The following CDKN2B-AS1 variants were observed in gnomAD, a reference collection of about 807,000 sequenced individuals.
The protein encoded by CDKN2B-AS1 is CDKN2B antisense RNA 1 (non-protein coding).
At chr9:22,113,466 A>G (rs1004199946) in intron 4 of CDKN2B-AS1, among the ~76,000 whole-genome samples, 16 of 152,198 alleles carry the variant, frequency 1.1e-4, no homozygotes, top group African/African-American at 3.6e-4. Flanking sequence ...AAGGTCAACT[A>G]TGCTATATAA....
chr9:22,014,959 A>G (rs924348237), intron 1 of CDKN2B-AS1, among the ~76,000 whole-genome samples: 10 of 152,024 alleles, frequency 6.6e-5, no homozygotes, highest in Admixed American at 1.3e-4. Flanking sequence ...TTATGACTGC[A>G]TAGTATTCCA....
chr9:22,071,285 C>CTTTTTTTTTTTTTTTT (rs71336509), intron 4 of CDKN2B-AS1, among the ~76,000 whole-genome samples: 8 of 67,580 alleles, frequency 1.2e-4, no homozygotes, highest in African/African-American at 4.2e-4. Context: ...AAATATCTAG[C>CTTTTTTTTTTTTTTTT]TTTTTTTTTT....
intron 1 of CDKN2B-AS1, among the ~76,000 whole-genome samples, chr9:22,043,769 T>C (rs1822997699): frequency 6.6e-6 from 1 of 152,000 alleles, no homozygotes; most frequent in African/African-American, 2.4e-5. Flanking sequence ...GTTACATCAC[T>C]AGGTTGATGT....
intron 4 of CDKN2B-AS1, among the ~76,000 whole-genome samples, chr9:22,088,403 A>C (rs1249779691): frequency 6.6e-6 from 1 of 151,588 alleles, no homozygotes; most frequent in Non-Finnish European, 1.5e-5. Flanking sequence ...TCTTCTACTC[A>C]GGAGAATGCA....
At chr9:22,060,369 C>G (rs1417537794) in intron 4 of CDKN2B-AS1, among the ~76,000 whole-genome samples, 5 of 152,216 alleles carry the variant, frequency 3.3e-5, no homozygotes, top group Non-Finnish European at 7.3e-5. Context: ...TGCCACCAGT[C>G]TCTTTGCTAA....
chr9:22,108,438 A>T (rs1413590001), intron 4 of CDKN2B-AS1, among the ~76,000 whole-genome samples: 1 of 152,186 alleles, frequency 6.6e-6, no homozygotes, highest in African/African-American at 2.4e-5. Flanking sequence ...GTATGGCCAT[A>T]GACAATAAAT....
chr9:22,061,160 G>A (rs1360744751), intron 4 of CDKN2B-AS1, among the ~76,000 whole-genome samples: 5 of 152,132 alleles, frequency 3.3e-5, no homozygotes, highest in Admixed American at 2.0e-4. Flanking sequence ...CAACATTGGG[G>A]GAGAACTGAA....
intron 1 of CDKN2B-AS1, among the ~76,000 whole-genome samples, chr9:22,014,212 G>C (rs1466376286): frequency 1.3e-5 from 2 of 151,940 alleles, no homozygotes; most frequent in Non-Finnish European, 2.9e-5. Context: ...ACCCAGGCTG[G>C]AGTGCAGTGG....
rs1821128510 is a variant in CDKN2B-AS1, at chr9:22,005,490, TTCA to T, written n.29+10330_29+10332del. 1 of 274,264 alleles carries T rather than the reference TTCA, an allele frequency of 3.6e-6. No homozygotes were observed. Among genetic ancestry groups the T allele is most frequent in the East Asian group, 5.3e-5 (1 of 18,892 alleles). The allele number at this position is 274,264 out of a possible 1,614,324, so 17.0% of individuals were successfully genotyped here. On this transcript the variant is annotated intron_variant and non_coding_transcript_variant, in intron 1 of 4. Coordinates refer to ENST00000650946, the Ensembl canonical transcript of CDKN2B-AS1. This position sits in a 1 kb window ranked among gnomAD's most constrained non-coding sequence, Gnocchi z 4.9. ...GCCCTCCTCCACTTTGTCCTCAGTC[TTCA>T]GGTTTTCCTTTCTGCCGCTAGGGCC...
intron 4 of CDKN2B-AS1, among the ~76,000 whole-genome samples, chr9:22,072,562 G>A (rs367543355): frequency 2.0e-5 from 3 of 152,214 alleles, no homozygotes; most frequent in African/African-American, 4.8e-5. Context: ...AGTCAAAGGG[G>A]AATAGTGATA....
chr9:22,020,240 G>T (rs1320941668), intron 1 of CDKN2B-AS1, among the ~76,000 whole-genome samples: 1 of 152,164 alleles, frequency 6.6e-6, no homozygotes, highest in Non-Finnish European at 1.5e-5. Context: ...ATTCCATGGT[G>T]TATATGTACC....
In CDKN2B-AS1 at chr9:22,006,380, G is replaced by A; in HGVS notation, n.29+11219G>A. 1.7e-6 allele frequency: 2 copies of A among 1,199,012 alleles called. No homozygotes were observed. The highest frequency in any genetic ancestry group is 1.5e-5 in the African/African-American group (1 of 66,422). The allele number at this position is 1,199,012 out of a possible 1,614,324, so 74.3% of individuals were successfully genotyped here. A position where few individuals can be genotyped will look rare whatever the true frequency, so the allele number is the denominator to read the frequency against. ...TTTCACCCAGTGCAGAGGTGTTCAG[G>A]TCTCTGATGTCTGGTGTTTCTTCAT... On this transcript the variant is annotated intron_variant and non_coding_transcript_variant, in intron 1 of 4. Coordinates refer to ENST00000650946, the Ensembl canonical transcript of CDKN2B-AS1. The surrounding 1 kb of genome is among the most constrained non-coding windows in gnomAD (Gnocchi z 6.4).
chr9:22,041,331 A>G (rs1822887973), intron 1 of CDKN2B-AS1, among the ~76,000 whole-genome samples: 2 of 152,174 alleles, frequency 1.3e-5, no homozygotes, highest in South Asian at 4.1e-4. Flanking sequence ...ATGAACAAAA[A>G]TAAAATGTAC....
chr9:22,029,432 G>A, intron 1 of CDKN2B-AS1: 2 of 779,466 alleles, frequency 2.6e-6, no homozygotes, highest in Non-Finnish European at 4.8e-6. Context: ...ATGTTTTGCA[G>A]GACTATTTGC....
At chr9:22,029,318 C>T (rs778321370) in intron 1 of CDKN2B-AS1, 3 of 694,972 alleles carry the variant, frequency 4.3e-6, no homozygotes, top group Non-Finnish European at 8.0e-6. Context: ...AATAGGAGAG[C>T]CTGATCATGT....
At chr9:22,059,136 C>G (rs1754194025) in intron 4 of CDKN2B-AS1, 1 of 152,236 alleles carries the variant, frequency 6.6e-6, no homozygotes, top group Non-Finnish European at 1.5e-5. Flanking sequence ...ATTTCCAAAC[C>G]AACCATGCCT....
chr9:22,119,047 T>A (rs1463485110), intron 4 of CDKN2B-AS1: 1 of 152,204 alleles, frequency 6.6e-6, no homozygotes, highest in Non-Finnish European at 1.5e-5. Flanking sequence ...CACTATGCTA[T>A]CATTTTTCAT....
intron 4 of CDKN2B-AS1, among the ~76,000 whole-genome samples, chr9:22,082,209 T>C (rs1426255205): frequency 6.6e-6 from 1 of 152,210 alleles, no homozygotes; most frequent in Non-Finnish European, 1.5e-5. Context: ...TGGTTGTACT[T>C]TTCTCTTTCT....
At chr9:22,048,860 T>C (rs10757265) in intron 2 of CDKN2B-AS1, among the ~76,000 whole-genome samples, 75,963 of 152,036 alleles carry the variant, frequency 0.5, 19,593 homozygotes, top group East Asian at 0.69. Flanking sequence ...AATGGCAAAC[T>C]TAGTCTTCTA....
Sources: allele counts gnomAD v4.1 joint callset (sites outside exome capture counted in the v4.1 genomes callset), GRCh38; gene constraint gnomAD v4.1.1; non-coding constraint Gnocchi (gnomAD v3.1); transcripts MANE v1.5; gene names NCBI Gene and HGNC (gene_info 2026-07-23, HGNC 2026-07-21).